The following MXRA5 variants were observed in gnomAD, a reference collection of about 807,000 sequenced individuals.
MXRA5 encodes the protein matrix remodeling associated 5.
In MXRA5, 41 loss-of-function variants were observed where a neutral mutation model predicts 112.5. The ratio of observed to expected loss-of-function variants is 0.36; its 90% CI spans 0.28 to 0.47. MXRA5 has a LOEUF of 0.47. Among genes scored for constraint, MXRA5 ranks in the 20% least tolerant of loss-of-function variants. The pLI is 0.99. For missense variants in MXRA5, 2,150 were observed against 2,251.0 expected (o/e 0.96, Z 0.91); for synonymous variants, 862 against 900.8 (o/e 0.96, Z 0.77).
rs773378059 is a variant in MXRA5, at chrX:3,321,414, G to T, written c.4271C>A (p.Ser1424Tyr). 1.7e-6 allele frequency: 2 copies of T among 1,209,910 alleles called. No homozygotes were observed. The highest frequency in any genetic ancestry group is 5.9e-5 in the East Asian group (2 of 33,734). Residue 1424 changes from serine to tyrosine, a missense_variant, in exon 5 of 7, where the codon TCC (serine) becomes TAC (tyrosine). By Grantham distance (144) the Ser-to-Tyr change is moderately radical (BLOSUM62 -2). Transcript: ENST00000217939. ...EDVDFTSEFL[S>Y]SLTVSTPFHQ... is the part of the protein sequence containing the mutation. ...AAATGGTGTGGAGACTGTCAAAGAG[G>T]ACAAAAACTCGGAAGTGAAATCCAC...
At position 3,330,378 on chromosome X, in the gene MXRA5, C is replaced by A. The variant is rs142550750; in HGVS notation, c.349G>T (p.Val117Leu). ...VFKFSYNKLR[V>L]ITGQTLQGLS... ...CCCTGGAGGGTCTGTCCTGTGATCA[C>A]TCTCAGCTTGTTGTAGCTGAACTTG... is the stretch of plus-strand genomic sequence containing the variant. The change falls in exon 4 of 7, where the codon GTG (valine) becomes TTG (leucine). Residue 117 changes from valine to leucine, a missense_variant. Physicochemically the swap from Val to Leu is conservative, Grantham distance 32. This residue lies in a region of MXRA5 where 386 missense variants were observed against 411.0 expected (regional missense o/e 0.94). Transcript: ENST00000217939. The A allele has an allele frequency of 8.3e-7, 1 of 1,198,040 alleles. No individual in the cohort carries two copies. Among genetic ancestry groups the A allele is most frequent in the Non-Finnish European group, 1.1e-6 (1 of 889,989 alleles).
chrX:3,343,840 G>A lies in MXRA5; in HGVS notation c.-7C>T, dbSNP rs749383387. 2 of 1,194,350 alleles carry A rather than the reference G, an allele frequency of 1.7e-6. No individual in the cohort carries two copies. Among genetic ancestry groups the A allele is most frequent in the African/African-American group, 3.5e-5 (2 of 56,843 alleles). On this transcript the variant is annotated 5_prime_UTR_variant, in exon 2 of 7. Coordinates refer to ENST00000217939, the MANE Select transcript of MXRA5 (RefSeq NM_015419.4). ...AGTGCGCGCGCTTGGGCATCTTGTC[G>A]GGGTGCCTGATTCTCGGATACCTGA...
intron 5 of MXRA5, among the ~76,000 whole-genome samples, chrX:3,319,621 G>T (rs897624458): frequency 7.2e-5 from 8 of 110,430 alleles, no homozygotes; most frequent in African/African-American, 2.3e-4. Context: ...GTGTAGATTG[G>T]GTACATATGG....
At chrX:3,336,439 G>A (rs980639694) in intron 2 of MXRA5, among the ~76,000 whole-genome samples, 8 of 111,676 alleles carry the variant, frequency 7.2e-5, no homozygotes, top group African/African-American at 2.3e-4. Flanking sequence ...AAAAGGCTGG[G>A]GACCGCTGAT....
At chrX:3,342,617 G>T (rs1454607287) in intron 2 of MXRA5, among the ~76,000 whole-genome samples, 1 of 111,896 alleles carries the variant, frequency 8.9e-6, no homozygotes, top group African/African-American at 3.3e-5. Flanking sequence ...TTAATGGTCT[G>T]TTGCCATGGG....
chrX:3,325,994 A>G (rs1456398645), intron 4 of MXRA5, among the ~76,000 whole-genome samples: 4 of 70,718 alleles, frequency 5.7e-5, no homozygotes, highest in African/African-American at 2.3e-4. Flanking sequence ...TATAATTTAT[A>G]TATTATATAT....
chrX:3,330,836 T>C (rs754907349), intron 2 of MXRA5, 63 bp from the exon 3 acceptor site: 31 of 827,138 alleles, frequency 3.7e-5, no homozygotes, highest in Non-Finnish European at 5.1e-5. Flanking sequence ...AGCGAATACT[T>C]AACTCCCATA....
chrX:3,315,898 C>T (rs1280808639), intron 6 of MXRA5, among the ~76,000 whole-genome samples: 1 of 109,409 alleles, frequency 9.1e-6, no homozygotes, highest in Non-Finnish European at 1.9e-5. Flanking sequence ...TTTGTCCTAA[C>T]ATTATAGTTA....
At chrX:3,325,147 TA>T (rs1187062547) in intron 4 of MXRA5, among the ~76,000 whole-genome samples, 172 bp from the exon 5 acceptor site, 1 of 111,843 alleles carries the variant, frequency 8.9e-6, no homozygotes, top group Admixed American at 9.6e-5. Context: ...ACCACAGTTT[TA>T]GCACACTGTG....
Position 3,343,710 on chromosome X carries a change from T to C in MXRA5, c.124A>G (p.Thr42Ala). 1 of 1,211,784 alleles carries C rather than the reference T, an allele frequency of 8.3e-7. No individual in the cohort carries two copies. Among genetic ancestry groups the C allele is most frequent in the Non-Finnish European group, 1.1e-6 (1 of 895,503 alleles). ...ACYVPSEVHC[T>A]FRSLASVPAG... ...GGCACGGAAGCCAGGGATCGGAACG[T>C]GCAGTGGACCTCGCTGGGGACGTAG... Residue 42 changes from threonine (T) to alanine (A), a missense_variant, in exon 2 of 7, where the codon ACG (threonine) becomes GCG (alanine). Physicochemically the swap from Thr to Ala is moderately conservative, Grantham distance 58. Coordinates refer to ENST00000217939, the MANE Select transcript of MXRA5 (RefSeq NM_015419.4).
chrX:3,326,054 T>G (rs1185753215), intron 4 of MXRA5, among the ~76,000 whole-genome samples: 2 of 74,411 alleles, frequency 2.7e-5, no homozygotes. Flanking sequence ...TAAATATATT[T>G]ATATATATTT....
chrX:3,321,824 C>G lies in MXRA5; in HGVS notation c.3861G>C (p.Glu1287Asp). ...TGTAATCTAAGGAATCATAAGGGCC[C>G]TCAGTTTTCAGAGAAACAGTTCTAG... ...LLPRTVSLKTEGPYDSLDYMT... is the reference protein window; with the variant it reads ...LLPRTVSLKTDGPYDSLDYMT... The change falls in exon 5 of 7, where the codon GAG becomes GAC. Residue 1287 changes from glutamate to aspartate, a missense_variant. By Grantham distance (45) the Glu-to-Asp change is conservative (BLOSUM62 2). This residue lies in a region of MXRA5 where 1,485 missense variants were observed against 1,471.6 expected (regional missense o/e 1.01). Transcript: ENST00000217939. 1 of 1,210,763 alleles carries G rather than the reference C, an allele frequency of 8.3e-7. No individual in the cohort carries two copies. The highest frequency in any genetic ancestry group is 1.1e-6 in the Non-Finnish European group (1 of 894,828).
Position 3,324,345 on chromosome X carries a change from G to T in MXRA5, c.1340C>A (p.Thr447Lys), listed in dbSNP as rs146759954. Residue 447 changes from threonine to lysine, a missense_variant, in exon 5 of 7, where the codon ACG (threonine) becomes AAG (lysine). Thr to Lys is a moderately conservative substitution (Grantham distance 78). Transcript: ENST00000217939. ...GTAGGAAAGTAGCACCTTCTTGGCC[G>T]TACTCTGACGTCGGTTCAGCTGGAT... The part of the protein sequence containing the change: ...IDIQLNRRQS[T>K]AKKVLLSYYT... 8.3e-7 allele frequency: 1 copy of T among 1,211,161 alleles called. No individual in the cohort carries two copies. Among genetic ancestry groups the T allele is most frequent in the Admixed American group, 2.2e-5 (1 of 45,909 alleles).
chrX:3,316,360 A>AAATAAATC (rs1921133051), intron 6 of MXRA5, among the ~76,000 whole-genome samples: 1 of 98,453 alleles, frequency 1.0e-5, no homozygotes, highest in African/African-American at 3.9e-5. Flanking sequence ...ATAAATAAAT[A>AAATAAATC]AATCACACAC....
rs778392427 is a variant in MXRA5, at chrX:3,323,204, G to C, written c.2481C>G (p.Pro827=). The C allele has an allele frequency of 2.5e-6, 3 of 1,209,002 alleles. No individual in the cohort carries two copies. The highest frequency in any genetic ancestry group is 1.8e-5 in the South Asian group (1 of 56,694). The change falls in exon 5 of 7, where the codon CCC becomes CCG. Residue 827 remains proline (P), a synonymous_variant. Transcript: ENST00000217939. ...TTACTGTCTGCACAGGAGATGCTGAGGGGGGAGAAATAGCAGGAAAAGGTG... is the reference window on the plus strand; with the variant it reads ...TTACTGTCTGCACAGGAGATGCTGACGGGGGAGAAATAGCAGGAAAAGGTG... ...VTPPFPAISP[P]SASPVQTVTS... is the part of the protein sequence containing the mutation.
In MXRA5 at chrX:3,338,954, A is replaced by T. The variant is rs866524798; in HGVS notation, c.188+4692T>A. ...TAGGCAGACTATAGATAATAGATAG[A>T]TAGTTAGATAGATAGATAGATAGAT... On this transcript the variant is annotated intron_variant, in intron 2 of 6. Transcript: ENST00000217939. Among the ~76,000 whole-genome samples, 33 of 71,048 alleles carry T rather than the reference A, an allele frequency of 4.6e-4. 1 individual carries two copies. The highest frequency in any genetic ancestry group is 3.6e-3 in the Admixed American group (23 of 6,395). 61.7% of individuals were successfully genotyped at this position (71,048 alleles called of 115,157 possible).
chrX:3,322,820 G>A lies in MXRA5; in HGVS notation c.2865C>T (p.Pro955=), dbSNP rs1921347489. ...ATGGAGGCTCATACTCACTGGATGTGGGCTCTGGTGACGATCCAACATCTG... is the reference window on the plus strand; with the variant it reads ...ATGGAGGCTCATACTCACTGGATGTAGGCTCTGGTGACGATCCAACATCTG... ...SAADVGSSPE[P]TSSEYEPPLD... Residue 955 remains proline, a synonymous_variant, in exon 5 of 7, where the codon CCC becomes CCT. Transcript: ENST00000217939. The A allele has an allele frequency of 8.3e-7, 1 of 1,209,690 alleles. No homozygotes were observed. The highest frequency in any genetic ancestry group is 1.8e-5 in the South Asian group (1 of 56,746).
chrX:3,322,619 A>G lies in MXRA5; in HGVS notation c.3066T>C (p.Thr1022=). 8.3e-7 allele frequency: 1 copy of G among 1,211,643 alleles called. No homozygotes were observed. Among genetic ancestry groups the G allele is most frequent in the African/African-American group, 1.7e-5 (1 of 57,782 alleles). The change falls in exon 5 of 7, where the codon ACT becomes ACC. Residue 1022 remains threonine, a synonymous_variant. Transcript: ENST00000217939. ...GGCCTGGGACACCTGGTTCCCCTAT[A>G]GTAGAATCCTCAAATAACTGTGATG... The part of the protein sequence containing the change: ...SSTSQLFEDS[T]IGEPGVPGQS...
intron 2 of MXRA5, among the ~76,000 whole-genome samples, chrX:3,332,241 A>G (rs1286646263): frequency 9.1e-6 from 1 of 109,678 alleles, no homozygotes; most frequent in Non-Finnish European, 1.9e-5. Flanking sequence ...TCATAATTGC[A>G]TTCTTCTTCT....
Sources: gnomAD v4.1 joint callset for allele counts (sites outside exome capture counted in the v4.1 genomes callset) on GRCh38, gnomAD v4.1.1 for gene constraint, gnomAD v4.1.1 regional missense constraint, MANE v1.5 for transcripts, NCBI Gene and HGNC (gene_info 2026-07-23, HGNC 2026-07-21) for gene names.